FRMPD2: variants seen among roughly 807,000 people sequenced by gnomAD.
FRMPD2 encodes FERM and PDZ domain-containing protein 2.
In FRMPD2, 96 loss-of-function variants were observed where a neutral mutation model predicts 140.1. The ratio of observed to expected loss-of-function variants is 0.69; its 90% CI spans 0.58 to 0.81. The LOEUF is 0.81. Among genes scored for constraint, FRMPD2 ranks in the 40% least tolerant of loss-of-function variants. The pLI is 0.00. For synonymous variants in FRMPD2, 449 were observed against 547.6 expected (o/e 0.82, Z 2.52); for missense variants, 1,240 against 1,447.4 (o/e 0.86, Z 2.32).
chr10:48,191,049 G>A (rs1458077739), intron 16 of FRMPD2, among the ~76,000 whole-genome samples: 1 of 152,204 alleles, frequency 6.6e-6, no homozygotes, highest in Non-Finnish European at 1.5e-5. Context: ...CTTTGAATCT[G>A]TGCTGACCTG....
At chr10:48,232,608 CT>C (rs1839876715) in intron 9 of FRMPD2, among the ~76,000 whole-genome samples, 2 of 152,168 alleles carry the variant, frequency 1.3e-5, no homozygotes, top group Admixed American at 1.3e-4. Context: ...CCAGCTCTCC[CT>C]TGGGCTCTGC....
intron 17 of FRMPD2, among the ~76,000 whole-genome samples, chr10:48,186,398 T>C (rs903905360): frequency 6.6e-5 from 10 of 152,176 alleles, no homozygotes; most frequent in Non-Finnish European, 1.2e-4. Context: ...TCAACTTGAA[T>C]TGTATCTCCC....
intron 10 of FRMPD2, among the ~76,000 whole-genome samples, chr10:48,224,177 C>T (rs1295119267): frequency 6.6e-6 from 1 of 152,168 alleles, no homozygotes; most frequent in African/African-American, 2.4e-5. Context: ...ACTGAATCAG[C>T]CCCAGCCACT....
In FRMPD2 at chr10:48,181,858, CAT is replaced by C. The variant is rs35165586; in HGVS notation, c.2585-852_2585-851del. On this transcript the variant is annotated intron_variant, in intron 20 of 28. Coordinates refer to ENST00000374201, the MANE Select transcript of FRMPD2 (RefSeq NM_001018071.4). ...ATATATGAAAGAATATATATTCCCT[CAT>C]ATATATATATATATATATGGCTCTC... 1.0e-3 allele frequency among the ~76,000 whole-genome samples: 81 copies of C among 79,602 alleles called. 2 individuals are homozygous for C. Among genetic ancestry groups the C allele is most frequent in the South Asian group, 3.5e-3 (9 of 2,582 alleles). The allele number at this position is 79,602 out of a possible 152,430, so 52.2% of individuals were successfully genotyped here.
intron 1 of FRMPD2, among the ~76,000 whole-genome samples, chr10:48,259,693 A>C (rs755109816): frequency 2.6e-5 from 4 of 151,342 alleles, no homozygotes; most frequent in Non-Finnish European, 5.9e-5. Flanking sequence ...TTTTAATCTT[A>C]AGAAGAAGGA....
intron 25 of FRMPD2, 88 bp downstream of exon 25, chr10:48,172,858 C>G (rs199609398): frequency 9.4e-5 from 75 of 797,120 alleles, no homozygotes; most frequent in Non-Finnish European, 1.4e-4. Context: ...CCAGAGGAAG[C>G]CTTCCTGCCT....
intron 15 of FRMPD2, among the ~76,000 whole-genome samples, chr10:48,194,103 G>A (rs1470524677): frequency 6.6e-6 from 1 of 152,218 alleles, no homozygotes; most frequent in Admixed American, 6.5e-5. Context: ...CAGCAGTAAT[G>A]TCAACATCAA....
intron 28 of FRMPD2, among the ~76,000 whole-genome samples, chr10:48,162,911 C>A: frequency 8.3e-6 from 1 of 120,216 alleles, no homozygotes. Flanking sequence ...TAGTAAGACC[C>A]CATCTTTAAA....
intron 10 of FRMPD2, among the ~76,000 whole-genome samples, chr10:48,226,482 A>G (rs1839723608): frequency 1.3e-5 from 2 of 152,236 alleles, no homozygotes; most frequent in Non-Finnish European, 2.9e-5. Flanking sequence ...AGAAGTTAAA[A>G]TATGCCATTT....
chr10:48,173,377 A>C (rs556790802), intron 24 of FRMPD2, among the ~76,000 whole-genome samples: 36 of 150,856 alleles, frequency 2.4e-4, no homozygotes, highest in Non-Finnish European at 4.3e-4. Context: ...TTCCTAAAAC[A>C]CTCCTCCCCT....
chr10:48,178,303 G>C (rs548676092), intron 21 of FRMPD2, 152 bp from the exon 22 acceptor site: 20 of 590,702 alleles, frequency 3.4e-5, no homozygotes, highest in African/African-American at 3.4e-4. Context: ...AGCTTTATCA[G>C]GCCTTCTGCA....
intron 27 of FRMPD2, among the ~76,000 whole-genome samples, chr10:48,167,837 G>A (rs1188668323): frequency 6.6e-6 from 1 of 151,530 alleles, no homozygotes; most frequent in Non-Finnish European, 1.5e-5. Context: ...ATAATGTAGT[G>A]GGCCTCATGC....
intron 9 of FRMPD2, among the ~76,000 whole-genome samples, chr10:48,234,537 G>C (rs920843985): frequency 6.6e-6 from 1 of 152,138 alleles, no homozygotes; most frequent in Non-Finnish European, 1.5e-5. Context: ...GAGCTACACT[G>C]ACTGAGAACC....
chr10:48,238,199 G>T (rs1588847658), intron 7 of FRMPD2, 76 bp from the exon 8 acceptor site: 2 of 1,512,660 alleles, frequency 1.3e-6, no homozygotes, highest in East Asian at 4.5e-5. Context: ...CACCCGCACA[G>T]GGGCTCAGTT....
chr10:48,173,086 C>G lies in FRMPD2; in HGVS notation c.3083G>C (p.Arg1028Thr), dbSNP rs1838309968. 3 of 837,766 alleles carry G rather than the reference C, an allele frequency of 3.6e-6. No homozygotes were observed. The East Asian group carries it at 7.5e-5, about 21-fold the overall frequency. The allele number at this position is 837,766 out of a possible 1,614,324, so 51.9% of individuals were successfully genotyped here. Residue 1028 changes from arginine (R) to threonine (T), a missense_variant, in exon 25 of 29, where the codon AGA becomes ACA. By Grantham distance (71) the Arg-to-Thr change is moderately conservative (BLOSUM62 -1). Coordinates refer to ENST00000374201, the MANE Select transcript of FRMPD2 (RefSeq NM_001018071.4). ...GGGGACTCTTCTCTCTAAGACCAGTCTTGCAACCTAGAAGGAAAGGTGAAC... is the reference window on the plus strand; with the variant it reads ...GGGGACTCTTCTCTCTAAGACCAGTGTTGCAACCTAGAAGGAAAGGTGAAC... ...QCLTGPGQVA[R>T]LVLERRVPRS... is the part of the protein sequence containing the mutation.
In FRMPD2 at chr10:48,211,997, C is replaced by A. The variant is rs750543693; in HGVS notation, c.1568G>T (p.Ser523Ile). ...QVEVSEMHRL[S>I]SALWGEDAEL... ...AGCATCCTCTCCCCACAGTGCAGAG[C>A]TGAGCCGGTGCATCTCTGAGACTTC... Residue 523 changes from serine (S) to isoleucine (I), a missense_variant, in exon 13 of 29, where the codon AGC (serine) becomes ATC (isoleucine). This residue lies in a region of FRMPD2 where 1,161 missense variants were observed against 1,055.9 expected (regional missense o/e 1.10). Coordinates refer to ENST00000374201, the MANE Select transcript of FRMPD2 (RefSeq NM_001018071.4). 1 of 1,614,084 alleles carries A rather than the reference C, an allele frequency of 6.2e-7. No homozygotes were observed. The highest frequency in any genetic ancestry group is 1.7e-5 in the Admixed American group (1 of 60,014).
Position 48,212,041 on chromosome 10 carries a change from G to A in FRMPD2, c.1524C>T (p.Thr508=), listed in dbSNP as rs750456342. ...YIPASLIERM[T]ALRVQVEVSE... ...AGACTTCAACCTGGACCCGTAGAGCGGTCATCCTCTCGATCAGACTCGCTG... is the reference window on the plus strand; with the variant it reads ...AGACTTCAACCTGGACCCGTAGAGCAGTCATCCTCTCGATCAGACTCGCTG... The change falls in exon 13 of 29, where the codon ACC becomes ACT. Residue 508 remains threonine (T), a synonymous_variant. Coordinates refer to ENST00000374201, the MANE Select transcript of FRMPD2 (RefSeq NM_001018071.4). 7.0e-5 allele frequency: 113 copies of A among 1,614,058 alleles called. 1 individual carries two copies. Among genetic ancestry groups the A allele is most frequent in the South Asian group, 1.8e-4 (16 of 91,070 alleles).
chr10:48,223,069 C>G, intron 11 of FRMPD2, 54 bp downstream of exon 11: 1 of 1,530,152 alleles, frequency 6.5e-7, no homozygotes, highest in Non-Finnish European at 8.9e-7. Context: ...TCTCCGTCAG[C>G]CTGGACATAC....
intron 13 of FRMPD2, among the ~76,000 whole-genome samples, chr10:48,209,249 A>G (rs1280593379): frequency 6.6e-6 from 1 of 152,262 alleles, no homozygotes; most frequent in Non-Finnish European, 1.5e-5. Flanking sequence ...TAGCAAGAAA[A>G]AAATCTTTTA....
Sources: allele counts gnomAD v4.1 joint callset (sites outside exome capture counted in the v4.1 genomes callset), GRCh38; gene constraint gnomAD v4.1.1; regional missense constraint gnomAD v4.1.1; transcripts MANE v1.5; gene names NCBI Gene and HGNC (gene_info 2026-07-23, HGNC 2026-07-21).